RACGAP1: variants seen among roughly 807,000 people sequenced by gnomAD.
RACGAP1 encodes rac GTPase-activating protein 1.
RACGAP1 carries 30 observed loss-of-function variants against 78.1 expected under a neutral mutation model. That is an observed-to-expected ratio of 0.38 (90% CI 0.29 to 0.52). The LOEUF is 0.52. Ranked by LOEUF, RACGAP1 falls within the 20% of genes least tolerant of loss-of-function variation. The pLI is 0.82. For missense variants in RACGAP1, 587 were observed against 777.1 expected (o/e 0.76, Z 2.91); for synonymous variants, 231 against 264.8 (o/e 0.87, Z 1.24).
chr12:50,002,837 C>A (rs12423335), intron 5 of RACGAP1: 20,842 of 152,128 alleles, frequency 0.14, 1,725 homozygotes, highest in Non-Finnish European at 0.19. Flanking sequence ...CTGGCTAACA[C>A]GGTGAAACCC....
chr12:50,001,223 A>G lies in RACGAP1; in HGVS notation c.579T>C (p.Gly193=), dbSNP rs1448156646. 1.2e-6 allele frequency: 2 copies of G among 1,611,176 alleles called. No individual in the cohort carries two copies. Among genetic ancestry groups the G allele is most frequent in the African/African-American group, 2.7e-5 (2 of 74,844 alleles). The change falls in exon 7 of 17, where the codon GGT becomes GGC. Residue 193 remains glycine, a synonymous_variant. Coordinates refer to ENST00000312377, the MANE Select transcript of RACGAP1 (RefSeq NM_001319999.2). The part of the protein sequence containing the change: ...RRSTSRQFVD[G]PPGPVKKTRS... ...GAGTTTTCTTTACAGGTCCAGGGGG[A>G]CCATCAACAAACTGTCGGCTAGTAG...
intron 9 of RACGAP1, among the ~76,000 whole-genome samples, chr12:49,998,533 G>A (rs531310471): frequency 5.9e-5 from 9 of 152,224 alleles, no homozygotes; most frequent in South Asian, 2.1e-4. Context: ...AAATAAAATG[G>A]TACAAAAGCA....
chr12:50,019,155 C>G (rs1033307730), intron 1 of RACGAP1, among the ~76,000 whole-genome samples: 2 of 152,128 alleles, frequency 1.3e-5, no homozygotes, highest in African/African-American at 4.8e-5. Flanking sequence ...ACCTTGTGTA[C>G]TCTTCTCTCA....
chr12:50,002,407 C>A, intron 5 of RACGAP1, 107 bp from the exon 6 acceptor site: 1 of 878,326 alleles, frequency 1.1e-6, no homozygotes, highest in Non-Finnish European at 1.8e-6. Context: ...GTCAGGCTAC[C>A]TAACGTACAA....
Position 49,999,466 on chromosome 12 carries a change from G to A in RACGAP1, c.748+150C>T. 5 of 959,806 alleles carry A rather than the reference G, an allele frequency of 5.2e-6. No individual in the cohort carries two copies. The South Asian group carries it at 8.3e-5, about 16-fold the overall frequency. 59.5% of individuals were successfully genotyped at this position (959,806 alleles called of 1,614,324 possible). A position where few individuals can be genotyped will look rare whatever the true frequency, so the allele number is the denominator to read the frequency against. On this transcript the variant is annotated intron_variant, in intron 8 of 16. Transcript: ENST00000312377. ...GGCTAGCAATTCAAAGGTAAAGCAT[G>A]ACACAAGCAGTTCTCTGGTCCTCGG...
chr12:50,031,737 G>A lies in RACGAP1; in HGVS notation c.-64C>T, dbSNP rs193110901. Reference sequence around the variant, plus strand: ...AACTTAAACGCTGATGCCTGGGTCCGTGCCTTTGGCATAAACTCCCGCAGC... The same window carrying A: ...AACTTAAACGCTGATGCCTGGGTCCATGCCTTTGGCATAAACTCCCGCAGC... On this transcript the variant is annotated 5_prime_UTR_variant, in exon 2 of 4. Transcript: ENST00000548247. The A allele has an allele frequency of 7.7e-4, 762 of 985,316 alleles. 2 individuals are homozygous for A. The African/African-American group carries it at 7.9e-3, about 10-fold the overall frequency. The allele number at this position is 985,316 out of a possible 1,614,324, so 61.0% of individuals were successfully genotyped here. A position where few individuals can be genotyped will look rare whatever the true frequency, so the allele number is the denominator to read the frequency against.
At chr12:50,012,900 C>G (rs1473807886) in intron 2 of RACGAP1, among the ~76,000 whole-genome samples, 5 of 151,208 alleles carry the variant, frequency 3.3e-5, no homozygotes, top group South Asian at 4.2e-4. Context: ...CCCGTCTCTA[C>G]TAAAAATACA....
chr12:50,017,238 T>C (rs1254850051), intron 1 of RACGAP1, among the ~76,000 whole-genome samples: 1 of 152,198 alleles, frequency 6.6e-6, no homozygotes, highest in South Asian at 2.1e-4. Context: ...ACATGAGTGA[T>C]TAAGTGGGAA....
chr12:50,030,029 G>A (rs1030275428), upstream of RACGAP1, among the ~76,000 whole-genome samples: 2 of 152,184 alleles, frequency 1.3e-5, no homozygotes, highest in African/African-American at 2.4e-5. Context: ...CCAGTGCTTT[G>A]GGAGGCTGAG....
chr12:50,025,781 G>C (rs902404228), upstream of RACGAP1, among the ~76,000 whole-genome samples: 1 of 152,140 alleles, frequency 6.6e-6, no homozygotes, highest in African/African-American at 2.4e-5. Context: ...GCGGGACTAG[G>C]GCCCTTGGAA....
Position 49,999,614 on chromosome 12 carries a change from A to T in RACGAP1, c.748+2T>A. 6.2e-7 allele frequency: 1 copy of T among 1,611,096 alleles called. No individual in the cohort carries two copies. The highest frequency in any genetic ancestry group is 2.2e-5 in the East Asian group (1 of 44,870). ...GCCAGTTTAGTCACAAATTCAATGG[A>T]CCTGTTTTCCTTCGGCTCCTGGTCC... On this transcript the variant is annotated splice_donor_variant, in intron 8 of 16. Coordinates refer to ENST00000312377, the MANE Select transcript of RACGAP1 (RefSeq NM_001319999.2). LOFTEE classifies it high-confidence loss of function.
chr12:49,998,590 C>T (rs534097887), intron 9 of RACGAP1, among the ~76,000 whole-genome samples: 1 of 152,006 alleles, frequency 6.6e-6, no homozygotes, highest in South Asian at 2.1e-4. Context: ...AAAATGTAAA[C>T]ATGTGTCACT....
upstream of RACGAP1, among the ~76,000 whole-genome samples, chr12:50,029,207 C>T (rs1183777155): frequency 7.6e-6 from 1 of 131,780 alleles, no homozygotes; most frequent in Non-Finnish European, 1.5e-5. Flanking sequence ...CAAAGTGAGA[C>T]TCCATCTCAA....
rs1948098533 is a variant in RACGAP1, at chr12:49,994,233, C to G, written c.1237G>C (p.Asp413His). The part of the protein sequence containing the change: ...VKTVPLLSKV[D>H]DIHAICSLLK... ...AGGCTACAGATAGCATGGATATCAT[C>G]CACTTTGCTGAGGAGGGGTACAGTT... Residue 413 changes from aspartate (D) to histidine (H), a missense_variant, in exon 12 of 17, where the codon GAT becomes CAT. Asp to His is a moderately conservative substitution (Grantham distance 81). Coordinates refer to ENST00000312377, the MANE Select transcript of RACGAP1 (RefSeq NM_001319999.2). The G allele has an allele frequency of 6.2e-7, 1 of 1,613,996 alleles. No homozygotes were observed. The highest frequency in any genetic ancestry group is 1.3e-5 in the African/African-American group (1 of 74,900).
In RACGAP1 at chr12:50,021,418, C is replaced by A. The variant is rs566979584; in HGVS notation, c.-5+3980G>T. Among the ~76,000 whole-genome samples, 3 of 152,316 alleles carry A rather than the reference C, an allele frequency of 2.0e-5. No homozygotes were observed. In the South Asian group the frequency reaches 6.2e-4, roughly 32 times the overall value. ...AGTCAGTATGTTACAGATTCCCAAT[C>A]TGTGAGTATCCCTAAGGGAGCAATC... On this transcript the variant is annotated intron_variant, in intron 1 of 16. Coordinates refer to ENST00000312377, the MANE Select transcript of RACGAP1 (RefSeq NM_001319999.2).
intron 1 of RACGAP1, among the ~76,000 whole-genome samples, chr12:50,022,665 C>T (rs1267983482): frequency 6.6e-6 from 1 of 152,204 alleles, no homozygotes; most frequent in Non-Finnish European, 1.5e-5. Context: ...TATGTACCAT[C>T]TGATCTAATC....
chr12:50,017,878 T>TG (rs1555178165), intron 1 of RACGAP1, among the ~76,000 whole-genome samples: 3 of 152,134 alleles, frequency 2.0e-5, no homozygotes, highest in Non-Finnish European at 4.4e-5. Context: ...GAACATAGGC[T>TG]GGGCACGGCA....
upstream of RACGAP1, among the ~76,000 whole-genome samples, chr12:50,025,927 A>G (rs542240258): frequency 1.8e-4 from 28 of 152,286 alleles, no homozygotes; most frequent in East Asian, 4.6e-3. Context: ...CTTTTATTTG[A>G]CACACATTGA....
At chr12:50,006,334 G>A (rs1948970350) in intron 3 of RACGAP1, 100 bp downstream of exon 3, 3 of 1,310,324 alleles carry the variant, frequency 2.3e-6, no homozygotes, top group African/African-American at 2.9e-5. Context: ...GTTCTTTAAT[G>A]TGGAAGAAGA....
Sources: allele counts gnomAD v4.1 joint callset (sites outside exome capture counted in the v4.1 genomes callset), GRCh38; gene constraint gnomAD v4.1.1; transcripts MANE v1.5; gene names NCBI Gene and HGNC (gene_info 2026-07-23, HGNC 2026-07-21).